ERICH3: variants seen among roughly 807,000 people sequenced by gnomAD.
ERICH3 encodes glutamate rich 3, also known as glutamate-rich protein 3.
A neutral mutation model predicts 131.1 loss-of-function variants in ERICH3; 126 were observed. The ratio of observed to expected loss-of-function variants is 0.96; its 90% confidence interval spans 0.83 to 1.11. The LOEUF is 1.11. Ranked by LOEUF, ERICH3 falls within the 50% of genes most tolerant of loss-of-function variation. The pLI is 0.00. For missense variants in ERICH3, 2,050 were observed against 1,810.7 expected, an observed-to-expected ratio of 1.13 and a Z score of -2.40; for synonymous variants, 695 against 644.6, an observed-to-expected ratio of 1.08 and a Z score of -1.18.
chr1:74,655,040 A>C (rs1646571837), intron 1 of ERICH3, among the ~76,000 whole-genome samples: 1 of 152,168 alleles, frequency 6.6e-6, no homozygotes, highest in African/African-American at 2.4e-5. Context: ...ATATTAACAA[A>C]TACATAACTT....
chr1:74,590,739 G>A (rs767319788), intron 11 of ERICH3, among the ~76,000 whole-genome samples: 1 of 152,134 alleles, frequency 6.6e-6, no homozygotes, highest in East Asian at 1.9e-4. Flanking sequence ...GTACCAGTCC[G>A]TGGCCCGGGG....
chr1:74,630,221 A>G (rs973183692), intron 7 of ERICH3, among the ~76,000 whole-genome samples: 1 of 152,196 alleles, frequency 6.6e-6, no homozygotes, highest in Non-Finnish European at 1.5e-5. Context: ...TTTTGAGAGC[A>G]TGTTCATTGG....
At chr1:74,632,065 C>T (rs180765726) in intron 6 of ERICH3, 137 bp from the exon 7 acceptor site, 4 of 723,432 alleles carry the variant, frequency 5.5e-6, no homozygotes, top group African/African-American at 5.3e-5. Context: ...TCAAAACACT[C>T]CAGTCTGCTG....
chr1:74,593,928 A>C (rs1230449290), intron 11 of ERICH3, among the ~76,000 whole-genome samples: 2 of 152,102 alleles, frequency 1.3e-5, no homozygotes, highest in African/African-American at 4.8e-5. Flanking sequence ...CCATGGACCC[A>C]CCATTGCTCC....
chr1:74,593,797 C>T (rs1011649987), intron 11 of ERICH3, among the ~76,000 whole-genome samples: 2 of 151,996 alleles, frequency 1.3e-5, no homozygotes, highest in African/African-American at 4.8e-5. Flanking sequence ...TCAACAGTAC[C>T]CAATGTCCAT....
intron 10 of ERICH3, among the ~76,000 whole-genome samples, chr1:74,604,054 C>A (rs748765792): frequency 6.6e-6 from 1 of 151,884 alleles, no homozygotes; most frequent in Non-Finnish European, 1.5e-5. Flanking sequence ...GGGCTCAATC[C>A]TCTCAAATCC....
chr1:74,598,348 T>G (rs1338323593), intron 11 of ERICH3, among the ~76,000 whole-genome samples: 1 of 151,846 alleles, frequency 6.6e-6, no homozygotes, highest in Non-Finnish European at 1.5e-5. Context: ...TGAATTAAAA[T>G]TAAATAATGA....
At position 74,673,564 on chromosome 1, in the gene ERICH3, G is replaced by C. The variant is rs764791769; in HGVS notation, c.-45C>G. On this transcript the variant is annotated 5_prime_UTR_variant, in exon 1 of 15. Transcript: ENST00000326665. Reference sequence around the variant, plus strand: ...GACCCCGCGGCAGGTGCGGAGGGTGGGTGCGTGGGGCCCCGTGCGCGCTGG... The same window carrying C: ...GACCCCGCGGCAGGTGCGGAGGGTGCGTGCGTGGGGCCCCGTGCGCGCTGG... 6.6e-5 allele frequency: 106 copies of C among 1,603,118 alleles called. No individual in the cohort carries two copies. Among genetic ancestry groups the C allele is most frequent in the South Asian group, 1.1e-5 (1 of 89,964 alleles).
chr1:74,599,542 T>C (rs566064888), intron 11 of ERICH3, among the ~76,000 whole-genome samples, 153 bp downstream of exon 11: 1 of 151,992 alleles, frequency 6.6e-6, no homozygotes, highest in African/African-American at 2.4e-5. Flanking sequence ...TTTATCTGTG[T>C]AACAAACCTT....
chr1:74,632,723 A>C (rs533801289), intron 6 of ERICH3, among the ~76,000 whole-genome samples: 2 of 152,102 alleles, frequency 1.3e-5, no homozygotes, highest in East Asian at 3.9e-4. Context: ...TCCTGAAATA[A>C]AAAGGTTCAT....
intron 12 of ERICH3, among the ~76,000 whole-genome samples, chr1:74,581,937 C>T (rs185169080): frequency 1.3e-5 from 2 of 152,234 alleles, no homozygotes; most frequent in Admixed American, 6.5e-5. Context: ...GGCTTTGAAC[C>T]CTCTTAGCAG....
At chr1:74,641,851 C>T (rs1646440575) in intron 4 of ERICH3, among the ~76,000 whole-genome samples, 2 of 152,082 alleles carry the variant, frequency 1.3e-5, no homozygotes, top group Admixed American at 1.3e-4. Flanking sequence ...TAAAATATAT[C>T]TTGTGCCAAA....
intron 11 of ERICH3, among the ~76,000 whole-genome samples, chr1:74,595,319 A>C (rs1570839972): frequency 1.3e-5 from 2 of 152,226 alleles, no homozygotes; most frequent in East Asian, 3.9e-4. Context: ...GAAAATAAAA[A>C]TATAAATTAT....
intron 12 of ERICH3, among the ~76,000 whole-genome samples, chr1:74,577,915 A>T (rs901758616): frequency 6.6e-6 from 1 of 152,230 alleles, no homozygotes; most frequent in Non-Finnish European, 1.5e-5. Context: ...CATTTCATCC[A>T]TTAGTAGATT....
At chr1:74,644,284 C>A (rs1343052373) in intron 3 of ERICH3, among the ~76,000 whole-genome samples, 1 of 152,020 alleles carries the variant, frequency 6.6e-6, no homozygotes, top group East Asian at 1.9e-4. Context: ...TCACTATCAA[C>A]CTTTTTCCAC....
intron 11 of ERICH3, among the ~76,000 whole-genome samples, chr1:74,598,711 T>C (rs1557676758): frequency 6.6e-6 from 1 of 151,786 alleles, no homozygotes; most frequent in Non-Finnish European, 1.5e-5. Flanking sequence ...AACAAGAAGC[T>C]AGTATTTTTT....
At chr1:74,636,496 C>A in intron 5 of ERICH3, 58 bp from the exon 6 acceptor site, 2 of 1,491,392 alleles carry the variant, frequency 1.3e-6, no homozygotes, top group East Asian at 2.3e-5. Flanking sequence ...GTTTCCAGAA[C>A]CAATTAATAA....
intron 8 of ERICH3, among the ~76,000 whole-genome samples, chr1:74,620,454 G>T (rs140698764): frequency 6.6e-6 from 1 of 152,084 alleles, no homozygotes; most frequent in Non-Finnish European, 1.5e-5. Flanking sequence ...CAGCTTATTC[G>T]TGCAACATTT....
chr1:74,618,630 A>G (rs781547863), intron 8 of ERICH3, among the ~76,000 whole-genome samples: 1 of 152,228 alleles, frequency 6.6e-6, no homozygotes. Flanking sequence ...ATTGTACTCT[A>G]CAAGTAGCAG....
Sources: allele counts gnomAD v4.1 joint callset (sites outside exome capture counted in the v4.1 genomes callset), GRCh38; gene constraint gnomAD v4.1.1; transcripts MANE v1.5; gene names NCBI Gene and HGNC (gene_info 2026-07-23, HGNC 2026-07-21).